PPFIBP1: variants seen among roughly 807,000 people sequenced by gnomAD.
PPFIBP1 encodes the protein liprin-beta-1.
A neutral mutation model predicts 137.8 loss-of-function variants in PPFIBP1; 112 were observed. That is an observed-to-expected ratio of 0.81 (90% confidence interval 0.70 to 0.95). PPFIBP1 has a LOEUF of 0.95. Among genes scored for constraint, PPFIBP1 ranks in the 40% least tolerant of loss-of-function variants. PPFIBP1 has a pLI of 0.00. For synonymous variants in PPFIBP1, 378 were observed against 417.3 expected (o/e 0.91, Z 1.15); for missense variants, 1,083 against 1,196.6 (o/e 0.91, Z 1.40).
rs774289065 is a variant in PPFIBP1, at chr12:27,682,385, A to G, written c.2047-2A>G. 1.3e-6 allele frequency: 2 copies of G among 1,598,298 alleles called. No homozygotes were observed. The highest frequency in any genetic ancestry group is 2.7e-5 in the African/African-American group (2 of 74,616). On this transcript the variant is annotated splice_acceptor_variant, in intron 22 of 29. Coordinates refer to ENST00000228425, the MANE Select transcript of PPFIBP1 (RefSeq NM_003622.4). LOFTEE classifies it high-confidence loss of function. ...TTATAAAGTCAATGTTTATTGTTTCAGGAACTTGGAATCAAGCATTCACTT... is the reference window on the plus strand; with the variant it reads ...TTATAAAGTCAATGTTTATTGTTTCGGGAACTTGGAATCAAGCATTCACTT...
chr12:27,689,173 T>G lies in PPFIBP1; in HGVS notation c.2655T>G (p.Tyr885Ter), dbSNP rs773258931. The change falls in exon 27 of 30, where the codon TAT becomes TAG. Residue 885 changes from tyrosine (Y) to a stop codon, truncating the protein, a stop_gained. Transcript: ENST00000228425. LOFTEE classifies it high-confidence loss of function. ...QKRDAMELPD[Y>*]VLLTATAKVK... is the part of the protein sequence containing the mutation. ...GAGATGCCATGGAGCTGCCGGATTA[T>G]GTACTTCTAACAGCTACTGCCAAAG... 6.3e-7 allele frequency: 1 copy of G among 1,586,434 alleles called. No homozygotes were observed. Among genetic ancestry groups the G allele is most frequent in the South Asian group, 1.2e-5 (1 of 85,672 alleles).
At chr12:27,671,765 G>A (rs572157751) in intron 14 of PPFIBP1, among the ~76,000 whole-genome samples, 1 of 152,166 alleles carries the variant, frequency 6.6e-6, no homozygotes, top group Non-Finnish European at 1.5e-5. Flanking sequence ...GGGTTGTCAG[G>A]TTAGAAAGAG....
chr12:27,641,271 G>A lies in PPFIBP1; in HGVS notation c.271-4791G>A, dbSNP rs139235519. Among the ~76,000 whole-genome samples, 409 of 152,266 alleles carry A rather than the reference G, an allele frequency of 2.7e-3. 4 individuals are homozygous for A. Among genetic ancestry groups the A allele is most frequent in the African/African-American group, 9.3e-3 (385 of 41,546 alleles). On this transcript the variant is annotated intron_variant, in intron 4 of 29. Coordinates refer to ENST00000228425, the MANE Select transcript of PPFIBP1 (RefSeq NM_003622.4). The stretch of plus-strand genomic sequence containing the variant: ...TTTTATAAAATAAATAAGCATTATT[G>A]TGGCAAATCACTGCTTGTATGTTGA...
At chr12:27,563,551 G>A (rs1482987488) in intron 1 of PPFIBP1, among the ~76,000 whole-genome samples, 1 of 151,896 alleles carries the variant, frequency 6.6e-6, no homozygotes, top group Non-Finnish European at 1.5e-5. Flanking sequence ...GACTTGTAGG[G>A]TAAGAGGAGA....
chr12:27,610,886 CT>C (rs779489560), intron 2 of PPFIBP1, among the ~76,000 whole-genome samples: 367 of 144,492 alleles, frequency 2.5e-3, no homozygotes, highest in Non-Finnish European at 2.3e-3. Flanking sequence ...AGTTATTTTT[CT>C]TTTTTTTTTT....
At chr12:27,631,815 G>A (rs1198202331) in intron 2 of PPFIBP1, among the ~76,000 whole-genome samples, 1 of 152,166 alleles carries the variant, frequency 6.6e-6, no homozygotes. Context: ...CTAATTTAGT[G>A]AGATGATATG....
At chr12:27,555,851 A>C (rs1051175897) in intron 1 of PPFIBP1, among the ~76,000 whole-genome samples, 1 of 152,246 alleles carries the variant, frequency 6.6e-6, no homozygotes, top group African/African-American at 2.4e-5. Context: ...ACCATTTTAC[A>C]TAAAATTATA....
At chr12:27,541,947 A>G (rs896584720) in intron 1 of PPFIBP1, among the ~76,000 whole-genome samples, 1 of 152,060 alleles carries the variant, frequency 6.6e-6, no homozygotes, top group Non-Finnish European at 1.5e-5. Flanking sequence ...CAACTGTTTT[A>G]GGTTTTGGAG....
intron 2 of PPFIBP1, among the ~76,000 whole-genome samples, chr12:27,585,477 T>G (rs1308168594): frequency 6.6e-6 from 1 of 152,238 alleles, no homozygotes; most frequent in East Asian, 1.9e-4. Context: ...TCAGATGTTA[T>G]CCGTTTAAAT....
intron 2 of PPFIBP1, among the ~76,000 whole-genome samples, chr12:27,614,980 G>A (rs10842952): frequency 0.28 from 42,760 of 152,062 alleles, 6,354 homozygotes; most frequent in South Asian, 0.41. Flanking sequence ...GGCTATCTGA[G>A]AAACACTTCT....
intron 13 of PPFIBP1, 66 bp from the exon 14 acceptor site, chr12:27,671,365 T>C: frequency 1.1e-6 from 1 of 885,696 alleles, no homozygotes; most frequent in Non-Finnish European, 1.7e-6. Context: ...TTATGTTTAT[T>C]TAAATTACTC....
rs2140677046 is a variant in PPFIBP1 at position 27,693,218 on chromosome 12, G to A, written c.*336G>A. 2 of 198,268 alleles carry A rather than the reference G, an allele frequency of 1.0e-5. No homozygotes were observed. Among genetic ancestry groups the A allele is most frequent in the African/African-American group, 4.7e-5 (2 of 42,498 alleles). The allele number at this position is 198,268 out of a possible 1,614,324, so 12.3% of individuals were successfully genotyped here. A position where few individuals can be genotyped will look rare whatever the true frequency, so the allele number is the denominator to read the frequency against. On this transcript the variant is annotated 3_prime_UTR_variant, in exon 30 of 30. Coordinates refer to ENST00000228425, the MANE Select transcript of PPFIBP1 (RefSeq NM_003622.4). ...GGAGGATTTGAGGAACAGTAACCAG[G>A]ATGTGAATGATTTTGTTACATCAGT... is the stretch of plus-strand genomic sequence containing the variant.
intron 4 of PPFIBP1, among the ~76,000 whole-genome samples, chr12:27,639,657 A>G (rs1482067943): frequency 1.3e-5 from 2 of 152,388 alleles, no homozygotes; most frequent in Admixed American, 6.5e-5. Context: ...ATCATCACCC[A>G]TGAGATAGGT....
chr12:27,675,091 C>T (rs1266612833), intron 17 of PPFIBP1, among the ~76,000 whole-genome samples: 1 of 151,930 alleles, frequency 6.6e-6, no homozygotes, highest in African/African-American at 2.4e-5. Context: ...ATCCTCCCAC[C>T]TCTGCCTTTC....
chr12:27,611,891 A>G (rs1208261412), intron 2 of PPFIBP1, among the ~76,000 whole-genome samples: 1 of 152,098 alleles, frequency 6.6e-6, no homozygotes, highest in Non-Finnish European at 1.5e-5. Flanking sequence ...TACCTTGAAC[A>G]AGGGGACCAC....
intron 2 of PPFIBP1, among the ~76,000 whole-genome samples, chr12:27,598,348 C>T (rs1281344336): frequency 7.9e-5 from 12 of 152,088 alleles, no homozygotes; most frequent in Non-Finnish European, 1.8e-4. Context: ...CAGGGGAACT[C>T]CCCTTTATAA....
intron 17 of PPFIBP1, among the ~76,000 whole-genome samples, chr12:27,674,851 C>G (rs1280273687): frequency 9.7e-6 from 1 of 103,294 alleles, no homozygotes; most frequent in Non-Finnish European, 1.8e-5. Context: ...ATCACTTTGT[C>G]GTCCAGGCTG....
At chr12:27,646,327 A>G (rs1184612653) in intron 5 of PPFIBP1, 179 bp downstream of exon 5, 6 of 642,714 alleles carry the variant, frequency 9.3e-6, no homozygotes, top group Admixed American at 2.1e-5. Context: ...GTTTACACCC[A>G]GTTTAAAAGG....
intron 2 of PPFIBP1, among the ~76,000 whole-genome samples, chr12:27,613,509 C>T (rs879520565): frequency 2.0e-5 from 3 of 152,074 alleles, no homozygotes; most frequent in Admixed American, 6.5e-5. Flanking sequence ...TCGAGACCAG[C>T]CTGGCCAACA....
Sources: allele counts gnomAD v4.1 joint callset (sites outside exome capture counted in the v4.1 genomes callset), GRCh38; gene constraint gnomAD v4.1.1; transcripts MANE v1.5; gene names NCBI Gene and HGNC (gene_info 2026-07-23, HGNC 2026-07-21).